The following SPRED2 variants were observed in gnomAD, a reference collection of about 807,000 sequenced individuals.
SPRED2 encodes the protein sprouty related EVH1 domain containing 2, also known as sprouty-related, EVH1 domain-containing protein 2.
Under a neutral mutation model 43.0 loss-of-function variants are expected in SPRED2, and 47 were observed. The observed-to-expected ratio is 1.09, with a 90% CI of 0.87 to 1.40. The LOEUF (loss-of-function observed/expected upper bound fraction) is 1.40. Among genes scored for constraint, SPRED2 ranks in the 40% most tolerant of loss-of-function variants. The pLI is 0.00. For missense variants in SPRED2, 561 were observed against 586.4 expected, an observed-to-expected ratio of 0.96 and a Z score of 0.45; for synonymous variants, 225 against 225.7, an observed-to-expected ratio of 1.00 and a Z score of 0.03.
At position 65,320,445 on chromosome 2, in the gene SPRED2, C is replaced by T. The variant is rs938159161; in HGVS notation, c.439-3562G>A. Among the ~76,000 whole-genome samples, 6 of 152,332 alleles carry T rather than the reference C, an allele frequency of 3.9e-5. No individual in the cohort carries two copies. The East Asian group carries it at 9.6e-4, about 24-fold the overall frequency. On this transcript the variant is annotated intron_variant, in intron 4 of 5. Transcript: ENST00000356388. ...CTACCTTCCGATATTCCCATCCCAC[C>T]TCCCCAGCCCTCTCTCCCTGCACAG... is the stretch of plus-strand genomic sequence containing the variant.
chr2:65,383,965 T>C (rs771092197), intron 1 of SPRED2, among the ~76,000 whole-genome samples: 1 of 152,206 alleles, frequency 6.6e-6, no homozygotes, highest in African/African-American at 2.4e-5. Context: ...GCAGTGCATG[T>C]TTCTACAAGC....
chr2:65,344,560 A>G, intron 2 of SPRED2, 159 bp downstream of exon 2: 1 of 904,900 alleles, frequency 1.1e-6, no homozygotes, highest in Non-Finnish European at 1.8e-6. Context: ...ACGTTTTACA[A>G]TTTGGCACCA....
intron 1 of SPRED2, among the ~76,000 whole-genome samples, chr2:65,405,021 C>T (rs77398111): frequency 0.015 from 2,237 of 152,276 alleles, 23 homozygotes; most frequent in Middle Eastern, 0.037. Flanking sequence ...GTTATAAACA[C>T]GTTGTAGAGA....
At chr2:65,326,428 A>G (rs1293261491) in intron 4 of SPRED2, among the ~76,000 whole-genome samples, 1 of 152,210 alleles carries the variant, frequency 6.6e-6, no homozygotes, top group Non-Finnish European at 1.5e-5. Context: ...GCTCCGGCTC[A>G]TCTGTCCTGA....
intron 2 of SPRED2, among the ~76,000 whole-genome samples, chr2:65,340,657 C>G (rs753287376): frequency 1.1e-4 from 17 of 152,190 alleles, no homozygotes; most frequent in Non-Finnish European, 2.4e-4. Flanking sequence ...CCTGACTACT[C>G]GTGAATGGTT....
intron 1 of SPRED2, among the ~76,000 whole-genome samples, chr2:65,388,211 T>C (rs1332882714): frequency 2.0e-5 from 3 of 152,230 alleles, no homozygotes; most frequent in Admixed American, 2.0e-4. Context: ...TCACTTATTT[T>C]AATAAAGCGT....
At chr2:65,342,394 A>ATAT (rs1424287227) in intron 2 of SPRED2, among the ~76,000 whole-genome samples, 1 of 148,170 alleles carries the variant, frequency 6.7e-6, no homozygotes, top group Non-Finnish European at 1.5e-5. Context: ...TTGTATATGT[A>ATAT]TATATGTATG....
intron 4 of SPRED2, among the ~76,000 whole-genome samples, chr2:65,319,810 T>G (rs1159827748): frequency 6.6e-6 from 1 of 152,142 alleles, no homozygotes; most frequent in East Asian, 1.9e-4. Flanking sequence ...ACACTGGCAC[T>G]AAGGGACTCT....
chr2:65,366,368 A>G (rs1674977505), intron 1 of SPRED2, among the ~76,000 whole-genome samples: 1 of 152,326 alleles, frequency 6.6e-6, no homozygotes, highest in Middle Eastern at 3.4e-3. Flanking sequence ...TGTTTTCAGA[A>G]AGAGGCATGA....
Position 65,356,531 on chromosome 2 carries a change from TCCCTC to T in SPRED2, c.27-11640_27-11636del, listed in dbSNP as rs1558666433. Reference sequence around the variant, plus strand: ...GCTATTTAGAGTGCAGTTCCCCAGTTCCCTCTTTTTTTTTTTTTTTTTTTTTTGTG... The same window carrying T: ...GCTATTTAGAGTGCAGTTCCCCAGTTTTTTTTTTTTTTTTTTTTTTTTGTG... On this transcript the variant is annotated intron_variant, in intron 1 of 5. Transcript: ENST00000356388. Among the ~76,000 whole-genome samples, 4 of 84,572 alleles carry T rather than the reference TCCCTC, an allele frequency of 4.7e-5. No individual in the cohort carries two copies. The South Asian group carries it at 1.4e-3, about 29-fold the overall frequency. The allele number at this position is 84,572 out of a possible 152,430, so 55.5% of individuals were successfully genotyped here. A position where few individuals can be genotyped will look rare whatever the true frequency, so the allele number is the denominator to read the frequency against.
chr2:65,316,372 G>A (rs932569831), intron 5 of SPRED2, among the ~76,000 whole-genome samples: 11 of 152,220 alleles, frequency 7.2e-5, no homozygotes, highest in African/African-American at 2.7e-4. Context: ...AGGACGCAGT[G>A]TAGCCCCCTG....
chr2:65,322,288 ATATATATTT>A (rs1673450537), intron 4 of SPRED2, among the ~76,000 whole-genome samples: 1 of 88,546 alleles, frequency 1.1e-5, no homozygotes, highest in East Asian at 3.9e-4. Context: ...ATATATATAT[ATATATATTT>A]TTTTTTTTTT....
chr2:65,405,967 G>A (rs1004833977), intron 1 of SPRED2, among the ~76,000 whole-genome samples: 4 of 152,018 alleles, frequency 2.6e-5, no homozygotes, highest in Non-Finnish European at 4.4e-5. Context: ...GAACACCCCC[G>A]CACTTTCTTC....
At chr2:65,358,683 G>T (rs17704661) in intron 1 of SPRED2, among the ~76,000 whole-genome samples, 2,901 of 152,264 alleles carry the variant, frequency 0.019, 85 homozygotes, top group African/African-American at 0.066. Context: ...TGGTCCAAAC[G>T]TAAGTCAGTT....
intron 1 of SPRED2, among the ~76,000 whole-genome samples, chr2:65,403,065 C>T (rs1474263932): frequency 6.6e-6 from 1 of 152,220 alleles, no homozygotes; most frequent in South Asian, 2.1e-4. Flanking sequence ...AATACATTCC[C>T]AAAAGCCAGC....
intron 1 of SPRED2, among the ~76,000 whole-genome samples, chr2:65,349,222 T>C (rs58805122): frequency 0.04 from 5,985 of 149,930 alleles, 402 homozygotes; most frequent in African/African-American, 0.14. Flanking sequence ...GGCAGGAGAA[T>C]TGCTTGAACC....
intron 1 of SPRED2, among the ~76,000 whole-genome samples, chr2:65,412,138 AAAAG>A (rs1460224543): frequency 7.2e-6 from 1 of 139,650 alleles, no homozygotes; most frequent in Non-Finnish European, 1.6e-5. Context: ...AAAAAAAAAG[AAAAG>A]AAAGAAAGAA....
intron 1 of SPRED2, among the ~76,000 whole-genome samples, chr2:65,384,706 C>T (rs1484618587): frequency 6.6e-6 from 1 of 152,170 alleles, no homozygotes; most frequent in Non-Finnish European, 1.5e-5. Flanking sequence ...TCATCCTTTC[C>T]CTCAAGGAAG....
Position 65,314,154 on chromosome 2 carries a change from A to T in SPRED2, c.604T>A (p.Tyr202Asn). The part of the protein sequence containing the change: ...YHLDQPMPRP[Y>N]RQVSFPDDDE... ...TCGTCCGGGAAGCTCACCTGGCGGT[A>T]GGGCCTTGGCATCGGCTGTCCCGTA... Residue 202 changes from tyrosine (Y) to asparagine (N), a missense_variant, in exon 6 of 6, where the codon TAC becomes AAC. By Grantham distance (143) the Tyr-to-Asn change is moderately radical. Transcript: ENST00000356388. 6.3e-7 allele frequency: 1 copy of T among 1,597,126 alleles called. No individual in the cohort carries two copies. Among genetic ancestry groups the T allele is most frequent in the Non-Finnish European group, 8.6e-7 (1 of 1,166,562 alleles).
Sources: allele counts gnomAD v4.1 joint callset (sites outside exome capture counted in the v4.1 genomes callset), GRCh38; gene constraint gnomAD v4.1.1; transcripts MANE v1.5; gene names NCBI Gene and HGNC (gene_info 2026-07-23, HGNC 2026-07-21).